Variants in ATG4C observed in about 807,000 individuals in gnomAD.
ATG4C encodes the protein cysteine protease ATG4C.
Under a neutral mutation model 57.6 loss-of-function variants are expected in ATG4C, and 56 were observed. The ratio of observed to expected loss-of-function variants is 0.97; its 90% confidence interval spans 0.78 to 1.21. The LOEUF is 1.21. ATG4C is among the 50% of genes most tolerant of loss of function. The probability of loss-of-function intolerance (pLI) is 0.00; values close to 1 mark genes in which losing one functional copy is unlikely to be tolerated. For missense variants in ATG4C, 595 were observed against 529.8 expected, an observed-to-expected ratio of 1.12 and a Z score of -1.21; for synonymous variants, 157 against 174.1, an observed-to-expected ratio of 0.90 and a Z score of 0.78.
At chr1:62,847,116 G>A (rs1270549414) in intron 10 of ATG4C, among the ~76,000 whole-genome samples, 2 of 152,232 alleles carry the variant, frequency 1.3e-5, no homozygotes, top group South Asian at 2.1e-4. Context: ...GGTGGAGGGT[G>A]CAGTGAGCCA....
chr1:62,826,010 C>T (rs1452564868), intron 6 of ATG4C, among the ~76,000 whole-genome samples: 4 of 152,056 alleles, frequency 2.6e-5, no homozygotes, highest in South Asian at 4.2e-4. Context: ...CAGGTTCAAG[C>T]GATTCTTTTG....
chr1:62,831,170 T>G (rs1665826445), intron 7 of ATG4C, among the ~76,000 whole-genome samples: 1 of 152,132 alleles, frequency 6.6e-6, no homozygotes, highest in Non-Finnish European at 1.5e-5. Flanking sequence ...GATTTTCCAG[T>G]TAGGTAAAAA....
At chr1:62,817,646 A>T (rs774754404) in intron 4 of ATG4C, among the ~76,000 whole-genome samples, 5 of 152,172 alleles carry the variant, frequency 3.3e-5, no homozygotes, top group Non-Finnish European at 5.9e-5. Flanking sequence ...TGTGCCTGGC[A>T]CTAGACATAT....
rs1301596478 is a variant in ATG4C, at chr1:62,799,006, A to G, written c.-68-4713A>G. On this transcript the variant is annotated intron_variant, in intron 1 of 10. Coordinates refer to ENST00000317868, the MANE Select transcript of ATG4C (RefSeq NM_032852.4). ...CAGGTTGGAGTGCAGTAGCACAATC[A>G]TCGCTTACTGCAGCCAGCTCAAGTG... Among the ~76,000 whole-genome samples, 6 of 152,110 alleles carry G rather than the reference A, an allele frequency of 3.9e-5. No individual in the cohort carries two copies. In the East Asian group the frequency reaches 9.6e-4, roughly 24 times the overall value.
At chr1:62,851,936 C>G (rs1666530264) in intron 10 of ATG4C, among the ~76,000 whole-genome samples, 2 of 152,134 alleles carry the variant, frequency 1.3e-5, no homozygotes, top group African/African-American at 4.8e-5. Context: ...TAAGAAGCAC[C>G]TCCTACCACC....
In ATG4C at chr1:62,803,715, A is replaced by T; in HGVS notation, c.-68-4A>T. 1 of 1,047,620 alleles carries T rather than the reference A, an allele frequency of 9.5e-7. No individual in the cohort carries two copies. Among genetic ancestry groups the T allele is most frequent in the Non-Finnish European group, 1.4e-6 (1 of 717,516 alleles). The allele number at this position is 1,047,620 out of a possible 1,614,324, so 64.9% of individuals were successfully genotyped here. A position where few individuals can be genotyped will look rare whatever the true frequency, so the allele number is the denominator to read the frequency against. On this transcript the variant is annotated splice_region_variant and splice_polypyrimidine_tract_variant and intron_variant, in intron 1 of 10. Transcript: ENST00000317868. Reference sequence around the variant, plus strand: ...TTACTGATTTTTTTCCTTAATTTTTAAAGTCAGTATAAAAGATTAAACTCT... The same window carrying T: ...TTACTGATTTTTTTCCTTAATTTTTTAAGTCAGTATAAAAGATTAAACTCT...
chr1:62,799,369 C>A (rs1187985828), intron 1 of ATG4C, among the ~76,000 whole-genome samples: 1 of 152,172 alleles, frequency 6.6e-6, no homozygotes, highest in South Asian at 2.1e-4. Context: ...ATAATTTTAT[C>A]GTTCTCAACT....
At chr1:62,813,224 CT>C (rs1435033761) in intron 3 of ATG4C, among the ~76,000 whole-genome samples, 1 of 151,994 alleles carries the variant, frequency 6.6e-6, no homozygotes, top group Non-Finnish European at 1.5e-5. Context: ...TCAAACTATA[CT>C]ACAGGGCTAC....
chr1:62,849,632 C>T (rs956142830), intron 10 of ATG4C, among the ~76,000 whole-genome samples: 3 of 152,088 alleles, frequency 2.0e-5, no homozygotes, highest in South Asian at 2.1e-4. Context: ...ATGCCTCAGC[C>T]TCCTGAGTAG....
At chr1:62,803,984 A>G (rs1664770165) in intron 2 of ATG4C, 122 bp downstream of exon 2, 1 of 556,546 alleles carries the variant, frequency 1.8e-6, no homozygotes, top group Non-Finnish European at 3.1e-6. Context: ...TTTGAATGAA[A>G]TATTTCTATA....
intron 1 of ATG4C, among the ~76,000 whole-genome samples, chr1:62,789,699 C>A (rs1029122468): frequency 2.6e-5 from 4 of 152,016 alleles, no homozygotes; most frequent in African/African-American, 9.7e-5. Flanking sequence ...CGCCTGTAGT[C>A]CCAGTTACTA....
intron 10 of ATG4C, among the ~76,000 whole-genome samples, chr1:62,855,546 A>G (rs1044970890): frequency 3.3e-5 from 5 of 152,200 alleles, no homozygotes; most frequent in African/African-American, 1.2e-4. Flanking sequence ...AGCACAGGGG[A>G]AAAATTTACA....
chr1:62,850,852 A>ATGTGTG (rs1229051307), intron 10 of ATG4C, among the ~76,000 whole-genome samples: 49 of 94,674 alleles, frequency 5.2e-4, no homozygotes, highest in African/African-American at 1.7e-3. Context: ...GTGTGTATGT[A>ATGTGTG]TGTATATATA....
At chr1:62,858,445 A>T (rs1253603261) in intron 10 of ATG4C, among the ~76,000 whole-genome samples, 1 of 152,216 alleles carries the variant, frequency 6.6e-6, no homozygotes, top group African/African-American at 2.4e-5. Context: ...CTGCAAAAAC[A>T]TGGATGATAA....
Position 62,813,990 on chromosome 1 carries a change from TTGG to T in ATG4C, c.161-2581_161-2579del, listed in dbSNP as rs539812241. ...GAGAAATAGGAACGTTTTTACACTG[TTGG>T]TGGGAGTTTAAAGGGAGTTCAACCA... On this transcript the variant is annotated intron_variant, in intron 3 of 10. Transcript: ENST00000317868. Among the ~76,000 whole-genome samples the T allele has an allele frequency of 2.8e-3, 421 of 152,224 alleles. 5 individuals are homozygous for T. The highest frequency in any genetic ancestry group is 9.8e-3 in the African/African-American group (405 of 41,530).
intron 10 of ATG4C, among the ~76,000 whole-genome samples, chr1:62,862,362 A>T (rs1010382316): frequency 6.6e-6 from 1 of 152,158 alleles, no homozygotes; most frequent in Non-Finnish European, 1.5e-5. Flanking sequence ...GGATGAAGAG[A>T]TGATAATGTT....
rs1206053652 is a variant in ATG4C, at chr1:62,850,897, TATATAC to T, written c.1209+9354_1209+9359del. 1.4e-3 allele frequency among the ~76,000 whole-genome samples: 92 copies of T among 64,306 alleles called. 3 individuals carry two copies. Among genetic ancestry groups the T allele is most frequent in the African/African-American group, 3.8e-3 (43 of 11,196 alleles). 42.2% of individuals were successfully genotyped at this position (64,306 alleles called of 152,430 possible). Reference sequence around the variant, plus strand: ...ATATATATATATATATATATATATATATATACATACACATACACACACATTCTGTTT... The same window carrying T: ...ATATATATATATATATATATATATATATACACATACACACACATTCTGTTT... On this transcript the variant is annotated intron_variant, in intron 10 of 10. Coordinates refer to ENST00000317868, the MANE Select transcript of ATG4C (RefSeq NM_032852.4).
intron 10 of ATG4C, among the ~76,000 whole-genome samples, chr1:62,858,928 ACT>A (rs899029720): frequency 3.9e-5 from 6 of 152,114 alleles, no homozygotes; most frequent in Non-Finnish European, 8.8e-5. Context: ...TTCCATGTAT[ACT>A]CTTTTTTATA....
chr1:62,830,089 G>A (rs1665792791), intron 7 of ATG4C, among the ~76,000 whole-genome samples: 1 of 152,016 alleles, frequency 6.6e-6, no homozygotes, highest in Admixed American at 6.6e-5. Context: ...TAGAGCAGTT[G>A]TTTTTAACAT....
Sources: gnomAD v4.1 joint callset for allele counts (sites outside exome capture counted in the v4.1 genomes callset) on GRCh38, gnomAD v4.1.1 for gene constraint, MANE v1.5 for transcripts, NCBI Gene and HGNC (gene_info 2026-07-23, HGNC 2026-07-21) for gene names.